The following DLG2 variants were observed in gnomAD, a reference collection of about 807,000 sequenced individuals.
DLG2 encodes discs large MAGUK scaffold protein 2.
DLG2 carries 45 observed loss-of-function variants against 132.5 expected under a neutral mutation model. The ratio of observed to expected loss-of-function variants is 0.34; its 90% CI spans 0.27 to 0.44. The LOEUF is 0.44. DLG2 is among the 20% of genes least tolerant of loss of function. DLG2 has a pLI of 1.00. For missense variants in DLG2, 1,045 were observed against 1,196.9 expected (o/e 0.87, Z 1.87); for synonymous variants, 424 against 419.6 (o/e 1.01, Z -0.13).
At chr11:83,901,193 T>C (rs542377955) in intron 15 of DLG2, among the ~76,000 whole-genome samples, 12 of 152,220 alleles carry the variant, frequency 7.9e-5, no homozygotes, top group African/African-American at 2.9e-4. Context: ...TACAGGCTCA[T>C]AGGCGGAAGG....
chr11:83,786,687 G>C lies in DLG2; in HGVS notation c.1825+3C>G. ...AACATTATTAGTTTGAGTTCTGACT[G>C]ACCTTCAGGTTGATATTGTGCTATA... is the stretch of plus-strand genomic sequence containing the variant. On this transcript the variant is annotated splice_donor_region_variant and intron_variant, in intron 18 of 27. Coordinates refer to ENST00000376104, the MANE Select transcript of DLG2 (RefSeq NM_001142699.3). The C allele has an allele frequency of 1.9e-6, 3 of 1,611,982 alleles. No individual in the cohort carries two copies. Among genetic ancestry groups the C allele is most frequent in the Non-Finnish European group, 2.5e-6 (3 of 1,178,136 alleles).
intron 3 of DLG2, among the ~76,000 whole-genome samples, chr11:85,506,920 A>G (rs1011835730): frequency 6.6e-6 from 1 of 152,130 alleles, no homozygotes; most frequent in Non-Finnish European, 1.5e-5. Context: ...GTGCATATAT[A>G]TTTAGGATAG....
At chr11:83,930,189 C>A in intron 15 of DLG2, 139 bp downstream of exon 15, 1 of 980,484 alleles carries the variant, frequency 1.0e-6, no homozygotes. Context: ...CCCATTGCAC[C>A]AAGGGAACAG....
chr11:84,499,768 C>T (rs780606082), intron 7 of DLG2, among the ~76,000 whole-genome samples: 1 of 152,042 alleles, frequency 6.6e-6, no homozygotes, highest in Non-Finnish European at 1.5e-5. Flanking sequence ...CTCTCTCTCT[C>T]ACATGCACAC....
intron 3 of DLG2, among the ~76,000 whole-genome samples, chr11:85,532,848 A>AT (rs553926971): frequency 2.6e-5 from 4 of 151,948 alleles, no homozygotes; most frequent in Admixed American, 6.6e-5. Context: ...AATCAAAGCT[A>AT]TTTTTTTTAA....
chr11:83,528,055 G>T (rs1035006256), intron 21 of DLG2, among the ~76,000 whole-genome samples: 1 of 152,152 alleles, frequency 6.6e-6, no homozygotes, highest in Non-Finnish European at 1.5e-5. Flanking sequence ...ATTCCCAGGG[G>T]AGCTTGACTG....
chr11:84,056,809 T>C (rs1197736955), intron 11 of DLG2, among the ~76,000 whole-genome samples: 3 of 152,076 alleles, frequency 2.0e-5, no homozygotes, highest in Non-Finnish European at 2.9e-5. Flanking sequence ...CAGTAAGCTT[T>C]ATATAGAGAA....
chr11:85,180,788 C>A (rs562619105), intron 4 of DLG2, among the ~76,000 whole-genome samples: 71 of 151,902 alleles, frequency 4.7e-4, no homozygotes, highest in Admixed American at 8.5e-4. Flanking sequence ...AAAGCAGAGA[C>A]TTGTCCAAGT....
At chr11:83,536,217 T>G (rs1269847940) in intron 20 of DLG2, among the ~76,000 whole-genome samples, 1 of 152,160 alleles carries the variant, frequency 6.6e-6, no homozygotes, top group Middle Eastern at 3.2e-3. Flanking sequence ...ACAACCAAAT[T>G]TAAGCATACA....
intron 11 of DLG2, among the ~76,000 whole-genome samples, chr11:84,050,150 AG>A: frequency 1.2e-5 from 1 of 86,114 alleles, no homozygotes; most frequent in East Asian, 3.6e-4. Context: ...AAACTACTGG[AG>A]ACTTTTTTTT....
chr11:83,464,818 AAT>A (rs3039330), intron 26 of DLG2, among the ~76,000 whole-genome samples: 32,160 of 152,070 alleles, frequency 0.21, 3,791 homozygotes, highest in Non-Finnish European at 0.27. Context: ...GAGTGTTTAC[AAT>A]ATGAAGATTT....
At chr11:85,084,369 G>A (rs2067632257) in intron 6 of DLG2, among the ~76,000 whole-genome samples, 1 of 152,154 alleles carries the variant, frequency 6.6e-6, no homozygotes, top group Admixed American at 6.5e-5. Flanking sequence ...TATGGAAGTA[G>A]GGGCTGGTAA....
At chr11:84,589,756 C>T (rs932301961) in intron 6 of DLG2, among the ~76,000 whole-genome samples, 1 of 152,104 alleles carries the variant, frequency 6.6e-6, no homozygotes, top group Admixed American at 6.6e-5. Flanking sequence ...TCTCTGTCAC[C>T]TCCGGCTATG....
At chr11:84,347,078 T>C (rs912603033) in intron 7 of DLG2, among the ~76,000 whole-genome samples, 12 of 152,122 alleles carry the variant, frequency 7.9e-5, no homozygotes, top group African/African-American at 2.7e-4. Context: ...AAAAACACCA[T>C]CTCAGTGTGG....
At chr11:83,715,561 T>C (rs1455590539) in intron 18 of DLG2, among the ~76,000 whole-genome samples, 4 of 152,212 alleles carry the variant, frequency 2.6e-5, no homozygotes, top group African/African-American at 2.4e-5. Flanking sequence ...CTGTCCTTTG[T>C]TCACTGCAGA....
chr11:84,584,998 T>G lies in DLG2; in HGVS notation c.358-50267A>C, dbSNP rs183304577. ...CCACCGCGCCCGGCCCCAGCATTCC[T>G]TTAATGTAGTTGAGTTCAACATCTT... is the stretch of plus-strand genomic sequence containing the variant. On this transcript the variant is annotated intron_variant, in intron 6 of 27. Transcript: ENST00000376104. 2.9e-3 allele frequency among the ~76,000 whole-genome samples: 445 copies of G among 152,304 alleles called. 1 individual carries two copies. Among genetic ancestry groups the G allele is most frequent in the African/African-American group, 9.8e-3 (408 of 41,572 alleles).
At chr11:84,433,977 G>A (rs2098992775) in intron 7 of DLG2, among the ~76,000 whole-genome samples, 1 of 151,918 alleles carries the variant, frequency 6.6e-6, no homozygotes, top group South Asian at 2.1e-4. Context: ...AATTAGCCGG[G>A]CATATTGACA....
chr11:83,841,307 A>G (rs989172743), intron 16 of DLG2, among the ~76,000 whole-genome samples: 1 of 152,208 alleles, frequency 6.6e-6, no homozygotes, highest in Non-Finnish European at 1.5e-5. Flanking sequence ...TTCCTATTTT[A>G]TTCATCATCC....
chr11:85,503,034 C>T (rs899558505), intron 3 of DLG2, among the ~76,000 whole-genome samples: 4 of 152,066 alleles, frequency 2.6e-5, no homozygotes, highest in African/African-American at 9.6e-5. Context: ...ATAGAAGAAA[C>T]TCATAAGCAT....
Sources: allele counts gnomAD v4.1 joint callset (sites outside exome capture counted in the v4.1 genomes callset), GRCh38; gene constraint gnomAD v4.1.1; transcripts MANE v1.5; gene names NCBI Gene and HGNC (gene_info 2026-07-23, HGNC 2026-07-21).